The following DGKK variants were observed in gnomAD, a reference collection of about 807,000 sequenced individuals.
DGKK encodes the protein diacylglycerol kinase kappa.
DGKK carries 35 observed loss-of-function variants against 92.2 expected under a neutral mutation model. The observed-to-expected ratio is 0.38, with a 90% CI of 0.29 to 0.50. DGKK has a LOEUF of 0.50. Among genes scored for constraint, DGKK ranks in the 20% least tolerant of loss-of-function variants. The pLI, the probability that DGKK is intolerant of heterozygous loss-of-function variation, is 0.92. For synonymous variants in DGKK, 368 were observed against 360.6 expected (o/e 1.02, Z -0.23); for missense variants, 910 against 992.2 (o/e 0.92, Z 1.11).
chrX:50,391,688 A>G, intron 10 of DGKK, 112 bp from the exon 11 acceptor site: 1 of 841,283 alleles, frequency 1.2e-6, no homozygotes, highest in Non-Finnish European at 1.7e-6. Flanking sequence ...AAACCAGTGG[A>G]TTTACGGGAC....
In DGKK at chrX:50,470,712, G is replaced by A; in HGVS notation, c.-34C>T. ...ACCGCTTCAGGTCTGGGCAGCCTGAGTCCCTAAGCCTGGAAGGCTAAAGTA... is the reference window on the plus strand; with the variant it reads ...ACCGCTTCAGGTCTGGGCAGCCTGAATCCCTAAGCCTGGAAGGCTAAAGTA... On this transcript the variant is annotated 5_prime_UTR_variant, in exon 1 of 28. Coordinates refer to ENST00000611977, the MANE Select transcript of DGKK (RefSeq NM_001013742.4). 1 of 1,088,032 alleles carries A rather than the reference G, an allele frequency of 9.2e-7. No homozygotes were observed. The highest frequency in any genetic ancestry group is 1.2e-6 in the Non-Finnish European group (1 of 841,945). 89.7% of individuals were successfully genotyped at this position (1,088,032 alleles called of 1,213,427 possible). A position where few individuals can be genotyped will look rare whatever the true frequency, so the allele number is the denominator to read the frequency against.
At chrX:50,441,165 A>G (rs889884977) in intron 1 of DGKK, among the ~76,000 whole-genome samples, 2 of 111,596 alleles carry the variant, frequency 1.8e-5, no homozygotes, top group Non-Finnish European at 3.8e-5. Flanking sequence ...ACAGGGAAAC[A>G]TGAACTGAAA....
At position 50,393,324 on chromosome X, in the gene DGKK, C is replaced by T; in HGVS notation, c.1423G>A (p.Val475Ile). 1 of 1,203,186 alleles carries T rather than the reference C, an allele frequency of 8.3e-7. No homozygotes were observed. The highest frequency in any genetic ancestry group is 1.1e-6 in the Non-Finnish European group (1 of 891,118). The change falls in exon 9 of 28, where the codon GTA becomes ATA. Residue 475 changes from valine to isoleucine, a missense_variant. Transcript: ENST00000611977. ...SDPKGDGQLV[V>I]SSDFWNLDWS... The stretch of plus-strand genomic sequence containing the variant: ...TCAAGATTCCAGAAGTCTGAAGATA[C>T]TACTAATTGGCCTGACACAACGAAA...
intron 1 of DGKK, among the ~76,000 whole-genome samples, chrX:50,431,038 A>AT (rs782181130): frequency 8.4e-5 from 9 of 107,423 alleles, no homozygotes; most frequent in South Asian, 4.1e-4. Context: ...TGCTTGGTGC[A>AT]TTTTTTTTTA....
chrX:50,394,365 T>C (rs1303028993), intron 8 of DGKK, among the ~76,000 whole-genome samples: 3 of 111,393 alleles, frequency 2.7e-5, no homozygotes, highest in African/African-American at 6.5e-5. Flanking sequence ...GTTTCCCCTA[T>C]GGGCCAATTC....
intron 1 of DGKK, among the ~76,000 whole-genome samples, chrX:50,439,379 T>C (rs1476095005): frequency 9.0e-6 from 1 of 111,717 alleles, no homozygotes; most frequent in African/African-American, 3.3e-5. Flanking sequence ...TAAAAACCTT[T>C]GCAATTTTAT....
chrX:50,393,032 G>T (rs1924740740), intron 9 of DGKK, 120 bp downstream of exon 9: 10 of 622,189 alleles, frequency 1.6e-5, no homozygotes, highest in Admixed American at 7.7e-5. Context: ...CCTGACTTGA[G>T]AAAATAGACC....
intron 4 of DGKK, among the ~76,000 whole-genome samples, chrX:50,411,369 T>C (rs1289631642): frequency 1.8e-5 from 2 of 112,158 alleles, no homozygotes; most frequent in Non-Finnish European, 3.8e-5. Context: ...TTTACCATGA[T>C]CAAGTGGGAT....
intron 1 of DGKK, among the ~76,000 whole-genome samples, chrX:50,459,177 A>G (rs1926682015): frequency 9.0e-6 from 1 of 111,542 alleles, no homozygotes; most frequent in South Asian, 3.8e-4. Flanking sequence ...ATTTCTTCAA[A>G]TATGGTAAAA....
At chrX:50,412,296 T>TA (rs1925323327) in intron 4 of DGKK, among the ~76,000 whole-genome samples, 1 of 112,081 alleles carries the variant, frequency 8.9e-6, no homozygotes, top group African/African-American at 3.2e-5. Flanking sequence ...GAAGATCAAT[T>TA]AAAAAATGGA....
intron 1 of DGKK, among the ~76,000 whole-genome samples, chrX:50,453,328 G>A (rs1431547968): frequency 9.0e-6 from 1 of 111,506 alleles, no homozygotes; most frequent in Non-Finnish European, 1.9e-5. Context: ...TGCACAATGG[G>A]AATTAAATGA....
chrX:50,404,087 C>T lies in DGKK; in HGVS notation c.1040G>A (p.Ser347Asn). 1.7e-6 allele frequency: 2 copies of T among 1,211,162 alleles called. No individual in the cohort carries two copies. Among genetic ancestry groups the T allele is most frequent in the Middle Eastern group, 2.3e-4 (1 of 4,353 alleles). ...RTQHCNVCRE[S>N]IPALSRDAII... ...GGCATCTCTAGATAAGGCAGGAATG[C>T]TCTCTCGACAAACATTGCAGTGCTG... Residue 347 changes from serine (S) to asparagine (N), a missense_variant, in exon 5 of 28, where the codon AGC becomes AAC. Physicochemically the swap from Ser to Asn is conservative, Grantham distance 46. Coordinates refer to ENST00000611977, the MANE Select transcript of DGKK (RefSeq NM_001013742.4).
chrX:50,396,825 C>A (rs1309273399), intron 8 of DGKK, among the ~76,000 whole-genome samples: 3 of 112,236 alleles, frequency 2.7e-5, no homozygotes, highest in Non-Finnish European at 5.6e-5. Flanking sequence ...CCAGGCAATC[C>A]TTTCCACAAG....
Position 50,403,543 on chromosome X carries a change from T to C in DGKK, c.1133A>G (p.Lys378Arg), listed in dbSNP as rs782352553. 1.7e-6 allele frequency: 2 copies of C among 1,209,112 alleles called. No homozygotes were observed. Among genetic ancestry groups the C allele is most frequent in the African/African-American group, 1.8e-5 (1 of 57,023 alleles). Residue 378 changes from lysine to arginine, a missense_variant, in exon 6 of 28, where the codon AAG becomes AGG. Lys to Arg is a conservative substitution (Grantham distance 26). Transcript: ENST00000611977. Reference sequence around the variant, plus strand: ...ATCAGTGATAGACAATGTATTCCACTTGCAGTCTTTGCTTGCTCTCAAAGC... The same window carrying C: ...ATCAGTGATAGACAATGTATTCCACCTGCAGTCTTTGCTTGCTCTCAAAGC... ...LCALRASKDC[K>R]WNTLSITDDL...
chrX:50,438,016 A>C (rs1934183), intron 1 of DGKK, among the ~76,000 whole-genome samples: 51,914 of 108,946 alleles, frequency 0.48, 10,689 homozygotes, highest in African/African-American at 0.79. Flanking sequence ...CACACACACA[A>C]AAAAAAAGCA....
intron 8 of DGKK, among the ~76,000 whole-genome samples, chrX:50,400,122 T>A (rs1196902421): frequency 8.9e-6 from 1 of 112,254 alleles, no homozygotes; most frequent in African/African-American, 3.2e-5. Flanking sequence ...GCTCAGAGAA[T>A]GTAAGTGACT....
chrX:50,439,237 C>T (rs1926110131), intron 1 of DGKK, among the ~76,000 whole-genome samples: 1 of 111,465 alleles, frequency 9.0e-6, no homozygotes, highest in Non-Finnish European at 1.9e-5. Flanking sequence ...TTAATATATC[C>T]AAGCACATAT....
intron 15 of DGKK, among the ~76,000 whole-genome samples, chrX:50,385,081 G>A (rs1025369578): frequency 9.0e-6 from 1 of 111,570 alleles, no homozygotes; most frequent in Non-Finnish European, 1.9e-5. Context: ...AGCTTTCTTT[G>A]TTTTACTGGT....
rs185603411 is a variant in DGKK, at chrX:50,388,540, T to A, written c.2005A>T (p.Ile669Phe). The change falls in exon 13 of 28, where the codon ATC becomes TTC. Residue 669 changes from isoleucine (I) to phenylalanine (F), a missense_variant. By Grantham distance (21) the Ile-to-Phe change is conservative. Coordinates refer to ENST00000611977, the MANE Select transcript of DGKK (RefSeq NM_001013742.4). ...ILKAKYPTEM[I>F]IATRFLCSAV... Reference sequence around the variant, plus strand: ...AGGAAGACTGACCTGGTTGCGATGATCATCTCTGTGGGGTACTTGGCCTTC... The same window carrying A: ...AGGAAGACTGACCTGGTTGCGATGAACATCTCTGTGGGGTACTTGGCCTTC... The A allele has an allele frequency of 1.2e-5, 15 of 1,205,233 alleles. No individual in the cohort carries two copies. The East Asian group carries it at 4.5e-4, about 36-fold the overall frequency.
Sources: allele counts gnomAD v4.1 joint callset (sites outside exome capture counted in the v4.1 genomes callset), GRCh38; gene constraint gnomAD v4.1.1; transcripts MANE v1.5; gene names NCBI Gene and HGNC (gene_info 2026-07-23, HGNC 2026-07-21).